HMCN1: variants seen among roughly 807,000 people sequenced by gnomAD.
HMCN1 encodes the protein hemicentin-1.
A neutral mutation model predicts 625.9 loss-of-function variants in HMCN1; 321 were observed. The observed-to-expected ratio is 0.51, with a 90% confidence interval of 0.47 to 0.56. The LOEUF (loss-of-function observed/expected upper bound fraction) is 0.56, where lower values mean the gene tolerates loss of function less well. HMCN1 is among the 20% of genes least tolerant of loss of function. The probability of loss-of-function intolerance (pLI) is 0.00; values close to 1 mark genes in which losing one functional copy is unlikely to be tolerated. For synonymous variants in HMCN1, 2,425 were observed against 2,417.6 expected (o/e 1.00, Z -0.09); for missense variants, 6,588 against 6,887.3 (o/e 0.96, Z 1.54).
chr1:185,828,236 A>G (rs1316905766), intron 1 of HMCN1, among the ~76,000 whole-genome samples: 1 of 152,188 alleles, frequency 6.6e-6, no homozygotes, highest in Non-Finnish European at 1.5e-5. Flanking sequence ...TAAAAGTAAT[A>G]AGCCTTATAA....
At chr1:185,967,252 T>C (rs1283716042) in intron 14 of HMCN1, among the ~76,000 whole-genome samples, 1 of 152,112 alleles carries the variant, frequency 6.6e-6, no homozygotes, top group Non-Finnish European at 1.5e-5. Flanking sequence ...AAACAGTCTT[T>C]TATTCCCCCA....
At chr1:185,828,958 T>C (rs1660690041) in intron 1 of HMCN1, among the ~76,000 whole-genome samples, 1 of 151,916 alleles carries the variant, frequency 6.6e-6, no homozygotes, top group Non-Finnish European at 1.5e-5. Flanking sequence ...CAAAATGAAG[T>C]AATAAAGCAG....
Position 186,057,159 on chromosome 1 carries a change from A to G in HMCN1, c.7145-75A>G, listed in dbSNP as rs901892895. 9 of 1,186,968 alleles carry G rather than the reference A, an allele frequency of 7.6e-6. No individual in the cohort carries two copies. The South Asian group carries it at 9.9e-5, about 13-fold the overall frequency. The allele number at this position is 1,186,968 out of a possible 1,614,324, so 73.5% of individuals were successfully genotyped here. On this transcript the variant is annotated intron_variant, in intron 45 of 106. Transcript: ENST00000271588. ...CTGTTTAGGATTTGATGTTTGATAT[A>G]CAACATCAGGTATATCAAATGTATA...
At chr1:185,889,778 G>T (rs1362838836) in intron 4 of HMCN1, among the ~76,000 whole-genome samples, 2 of 139,902 alleles carry the variant, frequency 1.4e-5, no homozygotes, top group Non-Finnish European at 3.0e-5. Flanking sequence ...TCTCTTTTTT[G>T]GTTGTGTCTC....
chr1:185,959,264 G>A (rs1358168560), intron 11 of HMCN1, among the ~76,000 whole-genome samples: 1 of 152,122 alleles, frequency 6.6e-6, no homozygotes, highest in Non-Finnish European at 1.5e-5. Context: ...ATCAGACCCA[G>A]CTGACAGGAA....
chr1:186,143,264 G>T (rs1414435322), intron 89 of HMCN1, among the ~76,000 whole-genome samples: 1 of 152,184 alleles, frequency 6.6e-6, no homozygotes, highest in Non-Finnish European at 1.5e-5. Context: ...TTGTTCTGGA[G>T]AATATTTACA....
Position 186,178,781 on chromosome 1 carries a change from T to C in HMCN1, c.16294+15T>C, listed in dbSNP as rs1224612840. 1.0e-5 allele frequency: 16 copies of C among 1,532,748 alleles called. No homozygotes were observed. The highest frequency in any genetic ancestry group is 1.7e-4 in the Middle Eastern group (1 of 5,908). 94.9% of individuals were successfully genotyped at this position (1,532,748 alleles called of 1,614,324 possible). On this transcript the variant is annotated intron_variant, in intron 104 of 106. Transcript: ENST00000271588. Reference sequence around the variant, plus strand: ...CACATGTGTAGGTAAATGTCAGCCATATTACATTTCCTTTCTGTGGGCTCT... The same window carrying C: ...CACATGTGTAGGTAAATGTCAGCCACATTACATTTCCTTTCTGTGGGCTCT...
chr1:186,155,428 T>A (rs1176805934), intron 97 of HMCN1, among the ~76,000 whole-genome samples: 2 of 152,134 alleles, frequency 1.3e-5, no homozygotes, highest in Non-Finnish European at 2.9e-5. Context: ...CTTTCCCTAA[T>A]TATGCCTGCT....
intron 40 of HMCN1, among the ~76,000 whole-genome samples, chr1:186,043,397 A>G (rs1026824611): frequency 6.6e-6 from 1 of 152,122 alleles, no homozygotes; most frequent in Non-Finnish European, 1.5e-5. Context: ...ATTTGCTTCA[A>G]TTTTTGTCCC....
chr1:186,164,240 CTTTTTTT>C (rs57317105), intron 97 of HMCN1, among the ~76,000 whole-genome samples: 1 of 131,558 alleles, frequency 7.6e-6, no homozygotes, highest in African/African-American at 3.1e-5. Context: ...TAACTTAAAT[CTTTTTTT>C]TTTTTTTTTT....
chr1:185,738,284 C>A (rs941569822), intron 1 of HMCN1, among the ~76,000 whole-genome samples: 1 of 152,158 alleles, frequency 6.6e-6, no homozygotes, highest in African/African-American at 2.4e-5. Context: ...ACAAATCCTG[C>A]ACCCTTCAGC....
chr1:185,922,523 A>G, intron 7 of HMCN1, 24 bp downstream of exon 7: 3 of 1,579,072 alleles, frequency 1.9e-6, no homozygotes, highest in South Asian at 2.3e-5. Context: ...TATTATTTAA[A>G]TTGACATAAT....
rs752718264 is a variant in HMCN1 at position 186,166,256 on chromosome 1, C to T, written c.15392C>T (p.Ser5131Phe). Residue 5131 changes from serine to phenylalanine, a missense_variant, in exon 99 of 107, where the codon TCC becomes TTC. Transcript: ENST00000271588. ...CHNAMGTYYC[S>F]CPKGLTIAAD... ...AATGCCATGGGGACTTACTACTGCT[C>T]CTGCCCTAAAGGCCTCACCATAGCT... 9 of 1,614,110 alleles carry T rather than the reference C, an allele frequency of 5.6e-6. No homozygotes were observed. Among genetic ancestry groups the T allele is most frequent in the Non-Finnish European group, 7.6e-6 (9 of 1,180,000 alleles).
intron 35 of HMCN1, among the ~76,000 whole-genome samples, chr1:186,020,422 G>T (rs1012079755): frequency 6.6e-6 from 1 of 151,962 alleles, no homozygotes; most frequent in Non-Finnish European, 1.5e-5. Flanking sequence ...TTTAGTAGAC[G>T]TGGTGGATAT....
chr1:185,862,967 G>T (rs1003725649), intron 2 of HMCN1, among the ~76,000 whole-genome samples: 5 of 152,140 alleles, frequency 3.3e-5, no homozygotes, highest in African/African-American at 9.7e-5. Context: ...TACAAGAAAA[G>T]ATTCTCCACT....
At chr1:185,968,534 G>A (rs566260683) in intron 14 of HMCN1, among the ~76,000 whole-genome samples, 2 of 151,086 alleles carry the variant, frequency 1.3e-5, no homozygotes, top group South Asian at 4.2e-4. Flanking sequence ...AAATTCACCA[G>A]GGTCCCCATT....
intron 2 of HMCN1, among the ~76,000 whole-genome samples, chr1:185,850,770 T>A (rs962263498): frequency 6.6e-6 from 1 of 151,342 alleles, no homozygotes; most frequent in Non-Finnish European, 1.5e-5. Flanking sequence ...TCTTATGGGA[T>A]TTTCTTTTTT....
At chr1:185,993,034 C>T (rs1332822056) in intron 22 of HMCN1, 148 bp from the exon 23 acceptor site, 2 of 703,036 alleles carry the variant, frequency 2.8e-6, no homozygotes, top group Non-Finnish European at 5.0e-6. Context: ...AAAGTCCTGG[C>T]TTTTAAGATG....
chr1:186,113,376 T>C (rs1277531832), intron 72 of HMCN1, among the ~76,000 whole-genome samples: 1 of 152,182 alleles, frequency 6.6e-6, no homozygotes, highest in Non-Finnish European at 1.5e-5. Context: ...AATGCCAACA[T>C]CTAGGAAGAT....
Sources: allele counts gnomAD v4.1 joint callset (sites outside exome capture counted in the v4.1 genomes callset), GRCh38; gene constraint gnomAD v4.1.1; transcripts MANE v1.5; gene names NCBI Gene and HGNC (gene_info 2026-07-23, HGNC 2026-07-21).